Variants in HOMER1 observed in about 807,000 individuals in gnomAD.
The protein encoded by HOMER1 is homer protein homolog 1.
A neutral mutation model predicts 48.9 loss-of-function variants in HOMER1; 3 were observed. The observed-to-expected ratio is 0.06, with a 90% CI of 0.03 to 0.16. The LOEUF is 0.16. Ranked by LOEUF, HOMER1 falls within the 10% of genes least tolerant of loss-of-function variation. The pLI is 1.00. For missense variants in HOMER1, 247 were observed against 411.4 expected (o/e 0.60, Z 3.46); for synonymous variants, 134 against 146.4 (o/e 0.92, Z 0.61).
chr5:79,432,851 TTC>T, intron 5 of HOMER1, among the ~76,000 whole-genome samples: 1 of 150,846 alleles, frequency 6.6e-6, no homozygotes, highest in South Asian at 2.1e-4. Flanking sequence ...AGTAAAAAAA[TTC>T]TGACATCTCT....
At chr5:79,467,558 A>G (rs1751506012) in intron 1 of HOMER1, among the ~76,000 whole-genome samples, 1 of 152,202 alleles carries the variant, frequency 6.6e-6, no homozygotes, top group East Asian at 1.9e-4. Context: ...TAAATATTCT[A>G]ATAAGTAAAC....
chr5:79,427,432 A>T (rs1036945583), intron 5 of HOMER1, among the ~76,000 whole-genome samples: 6 of 152,128 alleles, frequency 3.9e-5, no homozygotes, highest in African/African-American at 1.4e-4. Flanking sequence ...TCTGTCACCC[A>T]GGCTGGAGTA....
intron 2 of HOMER1, among the ~76,000 whole-genome samples, chr5:79,456,453 T>G (rs772791954): frequency 5.3e-5 from 8 of 152,218 alleles, no homozygotes; most frequent in Non-Finnish European, 1.0e-4. Context: ...GTATTGACAC[T>G]GACAAACTTC....
chr5:79,491,460 A>G (rs1752276904), intron 1 of HOMER1, among the ~76,000 whole-genome samples: 1 of 151,390 alleles, frequency 6.6e-6, no homozygotes, highest in Non-Finnish European at 1.5e-5. Flanking sequence ...AAAAAAAAAA[A>G]AAGGAGTTAA....
At position 79,373,181 on chromosome 5, in the gene HOMER1, A is replaced by G. The variant is rs1301708101; in HGVS notation, c.*2828T>C. ...AATCCAGTAGCACCTGAAAGATTTA[A>G]GTAAATGCTGTCATCATTTAAATGC... On this transcript the variant is annotated 3_prime_UTR_variant, in exon 9 of 9. Transcript: ENST00000334082. 1 of 152,180 alleles carries G rather than the reference A, an allele frequency of 6.6e-6. No homozygotes were observed. The highest frequency in any genetic ancestry group is 1.5e-5 in the Non-Finnish European group (1 of 67,982). The allele number at this position is 152,180 out of a possible 1,614,324, so 9.4% of individuals were successfully genotyped here. A position where few individuals can be genotyped will look rare whatever the true frequency, so the allele number is the denominator to read the frequency against.
At chr5:79,457,071 T>C in intron 1 of HOMER1, 53 bp from the exon 2 acceptor site, 1 of 1,536,700 alleles carries the variant, frequency 6.5e-7, no homozygotes, top group East Asian at 2.3e-5. Context: ...TTTATTTCAC[T>C]AGACAAGAGA....
At chr5:79,468,346 C>A (rs1751532333) in intron 1 of HOMER1, among the ~76,000 whole-genome samples, 2 of 152,218 alleles carry the variant, frequency 1.3e-5, no homozygotes, top group South Asian at 4.1e-4. Context: ...AAACATTTAA[C>A]ATTCAAATTG....
chr5:79,446,934 G>A lies in HOMER1; in HGVS notation c.387+119C>T, dbSNP rs149469491. The A allele has an allele frequency of 3.4e-4, 214 of 625,390 alleles. No individual in the cohort carries two copies. In the Middle Eastern group the frequency reaches 4.0e-3, roughly 12 times the overall value. The allele number at this position is 625,390 out of a possible 1,614,324, so 38.7% of individuals were successfully genotyped here. On this transcript the variant is annotated intron_variant, in intron 4 of 8. Coordinates refer to ENST00000334082, the MANE Select transcript of HOMER1 (RefSeq NM_004272.5). ...CTATCAAAGTCCTGGGATTACAGGT[G>A]TGAGCCACCACACTAAAGGGTGCAT...
At chr5:79,470,580 A>G (rs955023564) in intron 1 of HOMER1, among the ~76,000 whole-genome samples, 8 of 152,238 alleles carry the variant, frequency 5.3e-5, no homozygotes, top group African/African-American at 1.9e-4. Flanking sequence ...AAATGAAAAT[A>G]GAAATAAACC....
chr5:79,456,441 T>C (rs1017146725), intron 2 of HOMER1, among the ~76,000 whole-genome samples: 1 of 152,212 alleles, frequency 6.6e-6, no homozygotes, highest in Non-Finnish European at 1.5e-5. Flanking sequence ...ATGTCAGCTT[T>C]AGTATTGACA....
chr5:79,432,231 C>A (rs939827790), intron 5 of HOMER1, among the ~76,000 whole-genome samples: 1 of 152,200 alleles, frequency 6.6e-6, no homozygotes, highest in African/African-American at 2.4e-5. Context: ...CTGTCCGTAT[C>A]ACCTACCTCC....
At chr5:79,416,978 C>A (rs1486356394) in intron 5 of HOMER1, among the ~76,000 whole-genome samples, 4 of 152,210 alleles carry the variant, frequency 2.6e-5, no homozygotes, top group Admixed American at 6.5e-5. Context: ...GGTTGAGAGC[C>A]AGATCTAAGG....
chr5:79,491,438 CAAAAAAAAAA>C (rs56778843), intron 1 of HOMER1, among the ~76,000 whole-genome samples: 3 of 57,708 alleles, frequency 5.2e-5, no homozygotes, highest in African/African-American at 1.4e-4. Context: ...GACCTTGTCT[CAAAAAAAAAA>C]AAAAAAAAAA....
At chr5:79,411,521 G>T (rs1233741808) in intron 5 of HOMER1, among the ~76,000 whole-genome samples, 1 of 152,004 alleles carries the variant, frequency 6.6e-6, no homozygotes, top group Non-Finnish European at 1.5e-5. Flanking sequence ...GTTGTTCTAT[G>T]AGAAGATATT....
At chr5:79,410,489 C>CAAA (rs59290866) in intron 5 of HOMER1, among the ~76,000 whole-genome samples, 1 of 105,144 alleles carries the variant, frequency 9.5e-6, no homozygotes, top group African/African-American at 3.2e-5. Context: ...AACTCTATCT[C>CAAA]AAAAAAAAAA....
intron 5 of HOMER1, among the ~76,000 whole-genome samples, chr5:79,428,674 A>G (rs1309012775): frequency 6.6e-6 from 1 of 152,190 alleles, no homozygotes; most frequent in Admixed American, 6.5e-5. Flanking sequence ...TAACAAAACA[A>G]TTTCATTTAT....
rs186908905 is a variant in HOMER1 at position 79,444,656 on chromosome 5, C to T, written c.387+2397G>A. 5.3e-4 allele frequency among the ~76,000 whole-genome samples: 80 copies of T among 152,224 alleles called. No homozygotes were observed. The East Asian group carries it at 6.2e-3, about 12-fold the overall frequency. On this transcript the variant is annotated intron_variant, in intron 4 of 8. Transcript: ENST00000334082. The stretch of plus-strand genomic sequence containing the variant: ...ACCAATTCAACTAAAATGGAAGTTA[C>T]GATTAGAGAAACGGGAACTAAGTAC...
chr5:79,401,810 T>C, intron 6 of HOMER1, 89 bp downstream of exon 6: 6 of 1,223,722 alleles, frequency 4.9e-6, no homozygotes, highest in Middle Eastern at 2.0e-4. Context: ...AACTAGAAGA[T>C]ATCCCTGTGC....
At chr5:79,401,799 G>T in intron 6 of HOMER1, 100 bp downstream of exon 6, 1 of 1,114,580 alleles carries the variant, frequency 9.0e-7, no homozygotes, top group Non-Finnish European at 1.3e-6. Flanking sequence ...TGACATCCTA[G>T]AACTAGAAGA....
Sources: gnomAD v4.1 joint callset for allele counts (sites outside exome capture counted in the v4.1 genomes callset) on GRCh38, gnomAD v4.1.1 for gene constraint, MANE v1.5 for transcripts, NCBI Gene and HGNC (gene_info 2026-07-23, HGNC 2026-07-21) for gene names.